Variants in APBB2 observed in about 807,000 individuals in gnomAD.
The protein encoded by APBB2 is amyloid beta precursor protein binding family B member 2, also known as Fe65-like 1.
In APBB2, 38 loss-of-function variants were observed where a neutral mutation model predicts 82.5. The ratio of observed to expected loss-of-function variants is 0.46; its 90% CI spans 0.36 to 0.60. The LOEUF (loss-of-function observed/expected upper bound fraction) is 0.60, where lower values mean the gene tolerates loss of function less well. Among genes scored for constraint, APBB2 ranks in the 20% least tolerant of loss-of-function variants. APBB2 has a pLI of 0.00. For synonymous variants in APBB2, 341 were observed against 368.2 expected (o/e 0.93, Z 0.85); for missense variants, 772 against 972.3 (o/e 0.79, Z 2.74).
intron 2 of APBB2, among the ~76,000 whole-genome samples, chr4:41,132,125 T>C (rs73810833): frequency 0.03 from 4,616 of 152,154 alleles, 235 homozygotes; most frequent in African/African-American, 0.1. Flanking sequence ...GTTAGCACAA[T>C]GCCTTTCTTC....
chr4:40,988,251 G>A (rs1302051192), intron 6 of APBB2, among the ~76,000 whole-genome samples: 2 of 152,196 alleles, frequency 1.3e-5, no homozygotes, highest in Non-Finnish European at 2.9e-5. Flanking sequence ...TTGCACTTGT[G>A]CTGGAAGTCT....
At chr4:41,163,391 TCCCTG>T (rs890605079) in intron 1 of APBB2, among the ~76,000 whole-genome samples, 9 of 152,174 alleles carry the variant, frequency 5.9e-5, no homozygotes, top group Admixed American at 6.5e-5. Flanking sequence ...ACCTGATGGG[TCCCTG>T]CACTAGGTCA....
chr4:40,858,295 T>C (rs775519831), intron 12 of APBB2, among the ~76,000 whole-genome samples: 7 of 151,984 alleles, frequency 4.6e-5, no homozygotes, highest in Non-Finnish European at 7.4e-5. Context: ...CTCTTTCTAA[T>C]TGTTTCTGGG....
At chr4:40,954,849 G>C (rs1791156965) in intron 6 of APBB2, among the ~76,000 whole-genome samples, 1 of 152,104 alleles carries the variant, frequency 6.6e-6, no homozygotes, top group Non-Finnish European at 1.5e-5. Flanking sequence ...ATTTTTAATA[G>C]AGTCAGGGTT....
intron 12 of APBB2, among the ~76,000 whole-genome samples, chr4:40,870,331 CA>C (rs914121492): frequency 1.3e-5 from 2 of 152,116 alleles, no homozygotes; most frequent in Admixed American, 6.5e-5. Flanking sequence ...GAGTGCTCAC[CA>C]GGGGACAGGG....
intron 1 of APBB2, among the ~76,000 whole-genome samples, chr4:41,213,916 C>G (rs1291301750): frequency 2.6e-5 from 4 of 152,238 alleles, no homozygotes; most frequent in Non-Finnish European, 5.9e-5. Flanking sequence ...CCAGGAGAGA[C>G]AGCCGAGCGG....
At chr4:41,107,709 T>A (rs545903770) in intron 2 of APBB2, among the ~76,000 whole-genome samples, 1 of 152,220 alleles carries the variant, frequency 6.6e-6, no homozygotes, top group Admixed American at 6.5e-5. Context: ...AGTCACTATG[T>A]AGCATTTTTG....
At chr4:40,842,941 G>GA (rs1756335753) in intron 12 of APBB2, among the ~76,000 whole-genome samples, 1 of 152,134 alleles carries the variant, frequency 6.6e-6, no homozygotes, top group Non-Finnish European at 1.5e-5. Flanking sequence ...CTCAATGGGG[G>GA]AGAGATCAGA....
At chr4:41,077,661 G>T (rs1005915814) in intron 3 of APBB2, among the ~76,000 whole-genome samples, 1 of 152,124 alleles carries the variant, frequency 6.6e-6, no homozygotes, top group African/African-American at 2.4e-5. Context: ...AAGACCAAAT[G>T]ATATTTTGAC....
At chr4:40,822,923 G>A (rs1219500524) in intron 16 of APBB2, among the ~76,000 whole-genome samples, 3 of 152,104 alleles carry the variant, frequency 2.0e-5, no homozygotes, top group Non-Finnish European at 4.4e-5. Flanking sequence ...GGGGAAGGGC[G>A]GGACCTACTT....
intron 10 of APBB2, among the ~76,000 whole-genome samples, chr4:40,925,077 C>T (rs1380229896): frequency 1.3e-5 from 2 of 152,130 alleles, no homozygotes; most frequent in Non-Finnish European, 2.9e-5. Flanking sequence ...GGAAACCACC[C>T]GAGCCACCCC....
Position 40,826,855 on chromosome 4 carries a change from A to G in APBB2, c.1732+277T>C. 2.9e-6 allele frequency: 1 copy of G among 343,982 alleles called. No homozygotes were observed. The allele number at this position is 343,982 out of a possible 1,614,324, so 21.3% of individuals were successfully genotyped here. A position where few individuals can be genotyped will look rare whatever the true frequency, so the allele number is the denominator to read the frequency against. On this transcript the variant is annotated intron_variant, in intron 14 of 17. Transcript: ENST00000508593. This position sits in a 1 kb window ranked among gnomAD's most constrained non-coding sequence, Gnocchi z 4.5. ...AGACAGTATTCTTAAAGAACATAAAATACAAAACAAAATGAAAACGAAGGC... is the reference window on the plus strand; with the variant it reads ...AGACAGTATTCTTAAAGAACATAAAGTACAAAACAAAATGAAAACGAAGGC...
At chr4:41,162,198 C>CTTTTTTTT (rs563526597) in intron 1 of APBB2, among the ~76,000 whole-genome samples, 1 of 135,790 alleles carries the variant, frequency 7.4e-6, no homozygotes, top group Non-Finnish European at 1.6e-5. Context: ...ATTTCCCCGT[C>CTTTTTTTT]TTTTTTTTTT....
At chr4:40,993,361 C>CTTT (rs34787320) in intron 6 of APBB2, among the ~76,000 whole-genome samples, 193 of 114,596 alleles carry the variant, frequency 1.7e-3, no homozygotes, top group Non-Finnish European at 2.8e-3. Flanking sequence ...ACTCTTCTCT[C>CTTT]TTTTTTTTTT....
intron 1 of APBB2, among the ~76,000 whole-genome samples, chr4:41,199,310 T>C (rs761481070): frequency 6.6e-6 from 1 of 152,214 alleles, no homozygotes; most frequent in African/African-American, 2.4e-5. Flanking sequence ...TGGTTAATGG[T>C]TTGAGATTCA....
chr4:40,930,582 G>C (rs1187282271), intron 10 of APBB2, among the ~76,000 whole-genome samples: 2 of 152,066 alleles, frequency 1.3e-5, no homozygotes, highest in African/African-American at 2.4e-5. Flanking sequence ...TAGCTGAAGA[G>C]GATTTGGAAG....
chr4:41,117,138 C>A (rs1294585756), intron 2 of APBB2, among the ~76,000 whole-genome samples: 1 of 152,040 alleles, frequency 6.6e-6, no homozygotes, highest in Non-Finnish European at 1.5e-5. Flanking sequence ...CAGCTCACAT[C>A]ACAGGTATCA....
intron 17 of APBB2, among the ~76,000 whole-genome samples, chr4:40,820,078 G>C (rs1291730167): frequency 6.6e-6 from 1 of 152,230 alleles, no homozygotes; most frequent in African/African-American, 2.4e-5. Context: ...TACAATGCAA[G>C]GACTGTATCT....
intron 1 of APBB2, among the ~76,000 whole-genome samples, chr4:41,152,486 C>T (rs993074240): frequency 1.4e-4 from 22 of 152,016 alleles, no homozygotes; most frequent in African/African-American, 5.1e-4. Flanking sequence ...CCAACCATGT[C>T]CGGCTAATTT....
Sources: allele counts gnomAD v4.1 joint callset (sites outside exome capture counted in the v4.1 genomes callset), GRCh38; gene constraint gnomAD v4.1.1; non-coding constraint Gnocchi (gnomAD v3.1); transcripts MANE v1.5; gene names NCBI Gene and HGNC (gene_info 2026-07-23, HGNC 2026-07-21).